ZNF804B: variants seen among roughly 807,000 people sequenced by gnomAD.
ZNF804B encodes the protein zinc finger protein 804B, also known as zinc finger 804B.
A neutral mutation model predicts 101.4 loss-of-function variants in ZNF804B; 80 were observed. The ratio of observed to expected loss-of-function variants is 0.79; its 90% CI spans 0.66 to 0.95. ZNF804B has a LOEUF of 0.95. Ranked by LOEUF, ZNF804B falls within the 40% of genes least tolerant of loss-of-function variation. The pLI, the probability that ZNF804B is intolerant of heterozygous loss-of-function variation, is 0.00. For synonymous variants in ZNF804B, 622 were observed against 558.8 expected (o/e 1.11, Z -1.59); for missense variants, 1,673 against 1,561.9 (o/e 1.07, Z -1.20).
chr7:88,795,265 T>C lies in ZNF804B; in HGVS notation c.108+35181T>C, dbSNP rs183192739. 1.7e-3 allele frequency among the ~76,000 whole-genome samples: 265 copies of C among 152,270 alleles called. 1 individual carries two copies. In the Middle Eastern group the frequency reaches 0.02, roughly 12 times the overall value. ...AATGTCATGTAATGGTGATTACAGA[T>C]TGTCCTTTATAAGCCAAATTTTTTA... On this transcript the variant is annotated intron_variant, in intron 1 of 3. Transcript: ENST00000333190.
chr7:89,110,831 G>C (rs1790204800), intron 1 of ZNF804B, among the ~76,000 whole-genome samples: 1 of 152,056 alleles, frequency 6.6e-6, no homozygotes, highest in African/African-American at 2.4e-5. Context: ...GTATTGTACA[G>C]AATAGTTTTC....
At chr7:88,870,886 T>G (rs1014263361) in intron 1 of ZNF804B, among the ~76,000 whole-genome samples, 5 of 152,176 alleles carry the variant, frequency 3.3e-5, no homozygotes, top group African/African-American at 1.2e-4. Context: ...ACTTTTTCTG[T>G]CTGTATTATT....
intron 2 of ZNF804B, among the ~76,000 whole-genome samples, chr7:89,286,621 A>T (rs1790201060): frequency 1.3e-5 from 2 of 152,318 alleles, no homozygotes; most frequent in Admixed American, 1.3e-4. Flanking sequence ...GAGTTAACAG[A>T]AGACAACTTG....
chr7:89,182,088 A>G (rs1788305332), intron 1 of ZNF804B, among the ~76,000 whole-genome samples: 1 of 152,192 alleles, frequency 6.6e-6, no homozygotes, highest in Admixed American at 6.5e-5. Flanking sequence ...AAACAGTATC[A>G]AATAGGAAAT....
chr7:89,092,484 C>T (rs896797365), intron 1 of ZNF804B, among the ~76,000 whole-genome samples: 3 of 130,058 alleles, frequency 2.3e-5, no homozygotes, highest in African/African-American at 8.7e-5. Context: ...GCCATCTTGG[C>T]TCACTGCAAG....
chr7:89,041,601 G>T (rs967432416), intron 1 of ZNF804B, among the ~76,000 whole-genome samples: 1 of 152,188 alleles, frequency 6.6e-6, no homozygotes, highest in Non-Finnish European at 1.5e-5. Flanking sequence ...GAGACCACGG[G>T]GCCTTGCCTA....
intron 1 of ZNF804B, among the ~76,000 whole-genome samples, chr7:88,887,343 C>T (rs1352413139): frequency 2.6e-5 from 4 of 152,050 alleles, no homozygotes; most frequent in African/African-American, 4.8e-5. Flanking sequence ...AGACCTTTGT[C>T]GGATGCATAC....
intron 2 of ZNF804B, among the ~76,000 whole-genome samples, chr7:89,309,759 C>CAAAAAAAAAAAAAA (rs397791531): frequency 1.3e-4 from 9 of 70,790 alleles, no homozygotes; most frequent in African/African-American, 4.5e-4. Context: ...GACCCTGTCT[C>CAAAAAAAAAAAAAA]AAAAAAAAAA....
At chr7:89,220,119 A>G (rs73208834) in intron 2 of ZNF804B, among the ~76,000 whole-genome samples, 3,592 of 21,150 alleles carry the variant, frequency 0.17, 631 homozygotes, top group Non-Finnish European at 0.23. Context: ...GTATATACAT[A>G]TATATACGCA....
At chr7:89,007,158 A>G (rs1262730516) in intron 1 of ZNF804B, among the ~76,000 whole-genome samples, 1 of 152,062 alleles carries the variant, frequency 6.6e-6, no homozygotes, top group East Asian at 1.9e-4. Flanking sequence ...GAAGTTGCAT[A>G]TAATGGATGA....
chr7:89,298,573 T>G (rs1790428559), intron 2 of ZNF804B, among the ~76,000 whole-genome samples: 1 of 151,834 alleles, frequency 6.6e-6, no homozygotes, highest in African/African-American at 2.4e-5. Context: ...TGTCTTTGCA[T>G]GTATCTGTTG....
Position 89,024,598 on chromosome 7 carries a change from T to G in ZNF804B, c.109-193557T>G, listed in dbSNP as rs1161677913. 2.2e-3 allele frequency among the ~76,000 whole-genome samples: 13 copies of G among 5,932 alleles called. No individual in the cohort carries two copies. The East Asian group carries it at 0.026, about 12-fold the overall frequency. The allele number at this position is 5,932 out of a possible 152,430, so 3.9% of individuals were successfully genotyped here. On this transcript the variant is annotated intron_variant, in intron 1 of 3. Transcript: ENST00000333190. ...TGACAGTTGCTAAGAAAGCTATTAC[T>G]TTTTTTTTTTTTTTTTTTTACAAAA...
chr7:89,125,841 A>G (rs1425136346), intron 1 of ZNF804B, among the ~76,000 whole-genome samples: 6 of 152,214 alleles, frequency 3.9e-5, no homozygotes, highest in African/African-American at 1.4e-4. Context: ...TGAATAATAC[A>G]TAATATTTAT....
At position 88,759,842 on chromosome 7, in the gene ZNF804B, C is replaced by T; in HGVS notation, c.-135C>T. On this transcript the variant is annotated 5_prime_UTR_variant, in exon 1 of 4. Coordinates refer to ENST00000333190, the MANE Select transcript of ZNF804B (RefSeq NM_181646.5). ...GGCGCGGAGCAGGGACGCGCTGCCA[C>T]CGCCTCCCCCTGCGTCCTGCTGGCC... 1.5e-6 allele frequency: 1 copy of T among 687,060 alleles called. No homozygotes were observed. The highest frequency in any genetic ancestry group is 2.5e-6 in the Non-Finnish European group (1 of 393,700). 42.6% of individuals were successfully genotyped at this position (687,060 alleles called of 1,614,324 possible). A position where few individuals can be genotyped will look rare whatever the true frequency, so the allele number is the denominator to read the frequency against.
intron 1 of ZNF804B, among the ~76,000 whole-genome samples, chr7:89,104,676 C>T (rs907305825): frequency 2.6e-5 from 4 of 151,506 alleles, no homozygotes; most frequent in African/African-American, 9.7e-5. Context: ...CTTTATTTAC[C>T]TTATTTTTAA....
chr7:89,211,946 T>G (rs550219710), intron 1 of ZNF804B, among the ~76,000 whole-genome samples: 33 of 152,304 alleles, frequency 2.2e-4, no homozygotes, highest in Non-Finnish European at 3.4e-4. Flanking sequence ...GTATGGCCAT[T>G]TTCATGACAT....
chr7:88,940,459 A>T (rs1793039540), intron 1 of ZNF804B, among the ~76,000 whole-genome samples: 1 of 152,020 alleles, frequency 6.6e-6, no homozygotes, highest in African/African-American at 2.4e-5. Flanking sequence ...AAAAGCAGAA[A>T]TTAATAGAAA....
chr7:89,299,765 C>A (rs1790448126), intron 2 of ZNF804B, among the ~76,000 whole-genome samples: 1 of 151,984 alleles, frequency 6.6e-6, no homozygotes, highest in Admixed American at 6.6e-5. Flanking sequence ...ACTGCTTTCT[C>A]CCATTTAGCT....
chr7:88,836,779 A>G (rs2115795560), intron 1 of ZNF804B, among the ~76,000 whole-genome samples: 1 of 151,860 alleles, frequency 6.6e-6, no homozygotes, highest in Admixed American at 6.6e-5. Context: ...TGCCACCTGG[A>G]TTCCAAGTCT....
Sources: gnomAD v4.1 joint callset for allele counts (sites outside exome capture counted in the v4.1 genomes callset) on GRCh38, gnomAD v4.1.1 for gene constraint, MANE v1.5 for transcripts, NCBI Gene and HGNC (gene_info 2026-07-23, HGNC 2026-07-21) for gene names.